The following FARP1 variants were observed in gnomAD, a reference collection of about 807,000 sequenced individuals.
FARP1 encodes FERM, ARHGEF and pleckstrin domain-containing protein 1.
In FARP1, 52 loss-of-function variants were observed where a neutral mutation model predicts 128.8. The observed-to-expected ratio is 0.40, with a 90% CI of 0.32 to 0.51. The LOEUF is 0.51. FARP1 is among the 20% of genes least tolerant of loss of function. The pLI, the probability that FARP1 is intolerant of heterozygous loss-of-function variation, is 0.45. For missense variants in FARP1, 1,333 were observed against 1,367.9 expected, an observed-to-expected ratio of 0.97 and a Z score of 0.40; for synonymous variants, 580 against 551.8, an observed-to-expected ratio of 1.05 and a Z score of -0.72.
intron 3 of FARP1, among the ~76,000 whole-genome samples, chr13:98,348,503 G>A (rs1287441794): frequency 1.3e-5 from 2 of 152,242 alleles, no homozygotes; most frequent in Non-Finnish European, 2.9e-5. Flanking sequence ...GACTTTGCAG[G>A]ATTCTTGCTA....
chr13:98,235,787 C>T (rs1166899737), intron 2 of FARP1, among the ~76,000 whole-genome samples: 4 of 151,642 alleles, frequency 2.6e-5, no homozygotes, highest in Admixed American at 6.6e-5. Context: ...TGGTTTATTC[C>T]GTATCATTCA....
chr13:98,294,604 A>G (rs1885582074), intron 2 of FARP1, among the ~76,000 whole-genome samples: 1 of 152,204 alleles, frequency 6.6e-6, no homozygotes, highest in African/African-American at 2.4e-5. Flanking sequence ...CCTTTGGCAT[A>G]AAGGTAAATT....
At chr13:98,385,953 C>G (rs535811585) in intron 8 of FARP1, 139 bp downstream of exon 8, 3 of 852,746 alleles carry the variant, frequency 3.5e-6, no homozygotes, top group Non-Finnish European at 5.3e-6. Context: ...AACCTCATCT[C>G]AGGCTTTCTG....
chr13:98,336,049 G>C (rs560722021), intron 2 of FARP1, among the ~76,000 whole-genome samples: 1 of 152,320 alleles, frequency 6.6e-6, no homozygotes, highest in Non-Finnish European at 1.5e-5. Context: ...CCACAAGGCA[G>C]TACTTTAGCT....
At chr13:98,193,433 G>A (rs1397963197) in intron 1 of FARP1, among the ~76,000 whole-genome samples, 2 of 152,202 alleles carry the variant, frequency 1.3e-5, no homozygotes, top group African/African-American at 4.8e-5. Context: ...GTCAGAGTGC[G>A]TGGGATCGTA....
chr13:98,240,364 G>T (rs1015709137), intron 2 of FARP1, among the ~76,000 whole-genome samples: 1 of 152,134 alleles, frequency 6.6e-6, no homozygotes, highest in Non-Finnish European at 1.5e-5. Flanking sequence ...GTGACGGTTG[G>T]AGTGGCCTTC....
intron 2 of FARP1, chr13:98,233,755 G>A (rs1034998076): frequency 6.6e-6 from 1 of 152,208 alleles, no homozygotes; most frequent in Non-Finnish European, 1.5e-5. Context: ...TCCAAGGAAT[G>A]ACATGGGATT....
At chr13:98,159,163 G>C (rs1405810940) in intron 1 of FARP1, among the ~76,000 whole-genome samples, 1 of 152,186 alleles carries the variant, frequency 6.6e-6, no homozygotes, top group Non-Finnish European at 1.5e-5. Flanking sequence ...CCTTGATGGG[G>C]TGCTATTCCC....
chr13:98,144,624 C>T (rs1010637426), intron 1 of FARP1, among the ~76,000 whole-genome samples: 2 of 152,238 alleles, frequency 1.3e-5, no homozygotes, highest in African/African-American at 4.8e-5. Flanking sequence ...TGGCCTAGCA[C>T]TGGCTTCTGT....
intron 1 of FARP1, among the ~76,000 whole-genome samples, chr13:98,178,943 G>A (rs1780328630): frequency 6.6e-6 from 1 of 152,182 alleles, no homozygotes; most frequent in South Asian, 2.1e-4. Context: ...TCAGAGTGAG[G>A]TGCCTAAAAG....
intron 25 of FARP1, 180 bp from the exon 26 acceptor site, chr13:98,446,486 G>A (rs1055192546): frequency 3.1e-6 from 2 of 648,630 alleles, no homozygotes; most frequent in South Asian, 1.9e-5. Flanking sequence ...AGTCCTGGCG[G>A]GACTTGCCAC....
chr13:98,413,713 C>T (rs992779468), intron 16 of FARP1, among the ~76,000 whole-genome samples: 27 of 152,162 alleles, frequency 1.8e-4, no homozygotes, highest in African/African-American at 6.0e-4. Flanking sequence ...CCAGGTTGAC[C>T]TAGAACCTTT....
At position 98,446,708 on chromosome 13, in the gene FARP1, C is replaced by T. The variant is rs202086143; in HGVS notation, c.2947C>T (p.Leu983Phe). The change falls in exon 26 of 27, where the codon CTC becomes TTC. Residue 983 changes from leucine (L) to phenylalanine (F), a missense_variant. Around this residue, in one of 2 missense-constraint regions of FARP1, gnomAD observed 1,009 missense variants for 969.8 expected, o/e 1.04. Coordinates refer to ENST00000319562, the MANE Select transcript of FARP1 (RefSeq NM_005766.4). The stretch of plus-strand genomic sequence containing the variant: ...CAGCCTGCCTCTGCTCGGCTACTCG[C>T]TCACCATCCCCTCTGAGTCCGAGAA... ...LASLPLLGYS[L>F]TIPSESENIQ... 255 of 1,614,088 alleles carry T rather than the reference C, an allele frequency of 1.6e-4. No homozygotes were observed. In the Admixed American group the frequency reaches 4.2e-3, roughly 27 times the overall value.
intron 26 of FARP1, 58 bp from the exon 27 acceptor site, chr13:98,448,174 CACCA>C: frequency 7.2e-7 from 1 of 1,392,238 alleles, no homozygotes; most frequent in Non-Finnish European, 1.0e-6. Context: ...AAGCGATGCC[CACCA>C]AAGTGTCAGG....
intron 16 of FARP1, among the ~76,000 whole-genome samples, chr13:98,417,455 G>GGGA (rs1491453247): frequency 3.4e-4 from 20 of 58,480 alleles, no homozygotes; most frequent in African/African-American, 8.6e-4. Flanking sequence ...CCAGAGGTTT[G>GGGA]AAAAAAAAAA....
Position 98,453,582 on chromosome 13 carries a change from C to A in FARP1, c.*5265C>A. 1 of 174,926 alleles carries A rather than the reference C, an allele frequency of 5.7e-6. No homozygotes were observed. Among genetic ancestry groups the A allele is most frequent in the Non-Finnish European group, 1.2e-5 (1 of 83,574 alleles). 10.8% of individuals were successfully genotyped at this position (174,926 alleles called of 1,614,324 possible). On this transcript the variant is annotated 3_prime_UTR_variant, in exon 27 of 27. Coordinates refer to ENST00000319562, the MANE Select transcript of FARP1 (RefSeq NM_005766.4). ...TGCATATGCATTCCCGATGTGAGGGCAGGAAACCCATTTTGGCCATAAAAA... is the reference window on the plus strand; with the variant it reads ...TGCATATGCATTCCCGATGTGAGGGAAGGAAACCCATTTTGGCCATAAAAA...
At chr13:98,261,972 G>C (rs148133140) in intron 2 of FARP1, among the ~76,000 whole-genome samples, 1 of 151,994 alleles carries the variant, frequency 6.6e-6, no homozygotes, top group East Asian at 1.9e-4. Flanking sequence ...CCCTCCTTGT[G>C]CTAGTTTTGC....
At chr13:98,421,845 C>A (rs1223665618) in intron 16 of FARP1, among the ~76,000 whole-genome samples, 1 of 151,668 alleles carries the variant, frequency 6.6e-6, no homozygotes, top group Non-Finnish European at 1.5e-5. Flanking sequence ...AAAGCAAGAC[C>A]CCATATCTTT....
At chr13:98,151,983 G>T (rs1341571709) in intron 1 of FARP1, among the ~76,000 whole-genome samples, 12 of 151,920 alleles carry the variant, frequency 7.9e-5, no homozygotes, top group African/African-American at 2.7e-4. Flanking sequence ...CTTTGACATT[G>T]GACAAGTTAT....
Sources: gnomAD v4.1 joint callset for allele counts (sites outside exome capture counted in the v4.1 genomes callset) on GRCh38, gnomAD v4.1.1 for gene constraint, gnomAD v4.1.1 regional missense constraint, MANE v1.5 for transcripts, NCBI Gene and HGNC (gene_info 2026-07-23, HGNC 2026-07-21) for gene names.